FRMD4A: variants seen among roughly 807,000 people sequenced by gnomAD.
FRMD4A encodes the protein FERM domain containing 4A.
Under a neutral mutation model 129.1 loss-of-function variants are expected in FRMD4A, and 29 were observed. The observed-to-expected ratio is 0.22, with a 90% confidence interval of 0.17 to 0.31. The LOEUF is 0.31. Among genes scored for constraint, FRMD4A ranks in the 10% least tolerant of loss-of-function variants. The pLI is 1.00. For missense variants in FRMD4A, 1,272 were observed against 1,375.8 expected (o/e 0.92, Z 1.19); for synonymous variants, 634 against 571.6 (o/e 1.11, Z -1.56).
intron 2 of FRMD4A, among the ~76,000 whole-genome samples, chr10:14,187,119 A>AAAGGAAAG (rs201938305): frequency 6.8e-6 from 1 of 146,992 alleles, no homozygotes; most frequent in African/African-American, 2.5e-5. Context: ...GCTCTGTCTC[A>AAAGGAAAG]AAGGAAAGAA....
chr10:14,305,572 T>C (rs1294192783), intron 2 of FRMD4A, among the ~76,000 whole-genome samples: 1 of 152,160 alleles, frequency 6.6e-6, no homozygotes, highest in Admixed American at 6.5e-5. Context: ...GGTGTCTCTG[T>C]TGGACTCTTC....
chr10:13,758,544 G>A (rs1487139264), intron 8 of FRMD4A, among the ~76,000 whole-genome samples: 1 of 152,218 alleles, frequency 6.6e-6, no homozygotes, highest in Admixed American at 6.5e-5. Context: ...GGTCTTGCCC[G>A]GGCGTGCCTG....
At chr10:13,855,980 TA>T (rs1228235981) in intron 3 of FRMD4A, among the ~76,000 whole-genome samples, 1 of 151,384 alleles carries the variant, frequency 6.6e-6, no homozygotes, top group Non-Finnish European at 1.5e-5. Context: ...TAAATATAAA[TA>T]TATATATGTA....
chr10:14,284,715 A>C (rs1326591825), intron 2 of FRMD4A, among the ~76,000 whole-genome samples: 1 of 152,222 alleles, frequency 6.6e-6, no homozygotes, highest in Non-Finnish European at 1.5e-5. Flanking sequence ...CAGCAATAAA[A>C]TATAAGTGTA....
intron 2 of FRMD4A, among the ~76,000 whole-genome samples, chr10:14,191,870 A>G (rs1027559701): frequency 2.0e-5 from 3 of 147,274 alleles, no homozygotes; most frequent in Non-Finnish European, 4.5e-5. Context: ...AACTCTTTCT[A>G]TACTTTCCTA....
chr10:13,705,599 G>A (rs1488746205), intron 13 of FRMD4A, among the ~76,000 whole-genome samples: 2 of 152,070 alleles, frequency 1.3e-5, no homozygotes, highest in Non-Finnish European at 2.9e-5. Context: ...TAAGAACCTG[G>A]TCCAATTCAG....
intron 2 of FRMD4A, among the ~76,000 whole-genome samples, chr10:14,015,560 T>C (rs777075940): frequency 7.9e-5 from 12 of 152,098 alleles, no homozygotes; most frequent in Non-Finnish European, 1.3e-4. Flanking sequence ...TGCTTATCCT[T>C]GCTGTGGGAG....
intron 12 of FRMD4A, among the ~76,000 whole-genome samples, chr10:13,737,151 G>A (rs1028944388): frequency 6.6e-6 from 1 of 152,144 alleles, no homozygotes; most frequent in African/African-American, 2.4e-5. Flanking sequence ...GTGCAGCAGG[G>A]CAATCCTGGC....
intron 2 of FRMD4A, among the ~76,000 whole-genome samples, chr10:14,119,286 C>T (rs1377083345): frequency 6.6e-6 from 1 of 152,112 alleles, no homozygotes; most frequent in Non-Finnish European, 1.5e-5. Flanking sequence ...TGAAGAGGTG[C>T]AAAGTGAGCG....
At chr10:13,778,749 C>G (rs2092664634) in intron 6 of FRMD4A, among the ~76,000 whole-genome samples, 3 of 152,092 alleles carry the variant, frequency 2.0e-5, no homozygotes, top group Admixed American at 2.0e-4. Flanking sequence ...ACCTCACAGA[C>G]AAGCGCACGA....
At chr10:13,955,095 C>T (rs959816308) in intron 2 of FRMD4A, among the ~76,000 whole-genome samples, 1 of 138,674 alleles carries the variant, frequency 7.2e-6, no homozygotes, top group Admixed American at 7.7e-5. Flanking sequence ...TCTTCCAACC[C>T]CATGTTAATA....
chr10:14,104,388 T>C (rs1255037605), intron 2 of FRMD4A, among the ~76,000 whole-genome samples: 1 of 152,248 alleles, frequency 6.6e-6, no homozygotes, highest in African/African-American at 2.4e-5. Context: ...CTAGATCTCT[T>C]ACTTTGATTT....
At chr10:14,176,299 T>A (rs79236910) in intron 2 of FRMD4A, among the ~76,000 whole-genome samples, 1,759 of 152,204 alleles carry the variant, frequency 0.012, 33 homozygotes, top group African/African-American at 0.04. Context: ...CTCCCCATGT[T>A]TTTGGGTTTC....
chr10:13,849,028 G>C (rs1271846356), intron 3 of FRMD4A, among the ~76,000 whole-genome samples: 2 of 152,314 alleles, frequency 1.3e-5, no homozygotes, highest in Middle Eastern at 6.8e-3. Flanking sequence ...ACCCCTGGGG[G>C]CTGGGAAGAC....
intron 2 of FRMD4A, among the ~76,000 whole-genome samples, chr10:13,989,727 G>T (rs145023344): frequency 2.0e-5 from 3 of 152,358 alleles, no homozygotes; most frequent in African/African-American, 7.2e-5. Flanking sequence ...GCCTATTGAT[G>T]ATGAGAGGAA....
chr10:13,746,923 C>T (rs1294205005), intron 9 of FRMD4A, among the ~76,000 whole-genome samples: 2 of 152,076 alleles, frequency 1.3e-5, no homozygotes, highest in Non-Finnish European at 2.9e-5. Context: ...CATTTAGGGC[C>T]GACAGATGAG....
chr10:14,041,913 G>C (rs1257958257), intron 2 of FRMD4A, among the ~76,000 whole-genome samples: 1 of 152,184 alleles, frequency 6.6e-6, no homozygotes, highest in East Asian at 1.9e-4. Flanking sequence ...TTTGTGGAGG[G>C]AGGGAGACAG....
At chr10:14,158,913 A>C (rs971905618) in intron 2 of FRMD4A, among the ~76,000 whole-genome samples, 15 of 151,990 alleles carry the variant, frequency 9.9e-5, no homozygotes, top group African/African-American at 3.4e-4. Context: ...CATGTGGATG[A>C]AGAGGAAAAA....
chr10:13,739,442 G>A lies in FRMD4A; in HGVS notation c.672+752C>T, dbSNP rs1337922921. 2.6e-5 allele frequency among the ~76,000 whole-genome samples: 4 copies of A among 152,344 alleles called. No individual in the cohort carries two copies. The East Asian group carries it at 7.7e-4, about 29-fold the overall frequency. ...GCCACCAGACAGGGAGCCTGGTGCAGCTGGGCCAGGTTTCCTGGATTCGTG... is the reference window on the plus strand; with the variant it reads ...GCCACCAGACAGGGAGCCTGGTGCAACTGGGCCAGGTTTCCTGGATTCGTG... On this transcript the variant is annotated intron_variant, in intron 11 of 24. Coordinates refer to ENST00000357447, the MANE Select transcript of FRMD4A (RefSeq NM_018027.5).
Sources: allele counts gnomAD v4.1 joint callset (sites outside exome capture counted in the v4.1 genomes callset), GRCh38; gene constraint gnomAD v4.1.1; transcripts MANE v1.5; gene names NCBI Gene and HGNC (gene_info 2026-07-23, HGNC 2026-07-21).